The following SLC7A1 variants were observed in gnomAD, a reference collection of about 807,000 sequenced individuals.
SLC7A1 encodes the protein high affinity cationic amino acid transporter 1.
Under a neutral mutation model 53.9 loss-of-function variants are expected in SLC7A1, and 10 were observed. That is an observed-to-expected ratio of 0.19 (90% confidence interval 0.11 to 0.31). The LOEUF is 0.31. SLC7A1 is among the 10% of genes least tolerant of loss of function. The pLI, the probability that SLC7A1 is intolerant of heterozygous loss-of-function variation, is 1.00. For synonymous variants in SLC7A1, 342 were observed against 338.7 expected (o/e 1.01, Z -0.11); for missense variants, 525 against 827.2 (o/e 0.63, Z 4.48).
chr13:29,534,666 G>A (rs1396097362), intron 3 of SLC7A1, among the ~76,000 whole-genome samples: 2 of 152,162 alleles, frequency 1.3e-5, no homozygotes, highest in African/African-American at 2.4e-5. Context: ...CCAGGGCTGC[G>A]AGGATCCCAG....
chr13:29,556,535 C>T (rs566005250), intron 1 of SLC7A1, among the ~76,000 whole-genome samples: 11 of 152,252 alleles, frequency 7.2e-5, no homozygotes, highest in African/African-American at 2.4e-4. Context: ...CACACCACCA[C>T]GCCTGGCTAA....
intron 1 of SLC7A1, among the ~76,000 whole-genome samples, chr13:29,579,962 C>A (rs372687414): frequency 2.0e-5 from 3 of 152,194 alleles, no homozygotes; most frequent in Admixed American, 2.0e-4. Context: ...TAGATCTGAT[C>A]GTGGTTGTTC....
intron 2 of SLC7A1, among the ~76,000 whole-genome samples, chr13:29,542,480 T>C (rs1025658108): frequency 6.6e-6 from 1 of 151,810 alleles, no homozygotes; most frequent in Non-Finnish European, 1.5e-5. Context: ...GTGGGCTCAT[T>C]CGAAACCAGC....
chr13:29,533,964 T>G (rs1869290357), intron 3 of SLC7A1, among the ~76,000 whole-genome samples: 1 of 152,236 alleles, frequency 6.6e-6, no homozygotes, highest in East Asian at 1.9e-4. Context: ...TTTGGTCTTA[T>G]GATAAGTAAG....
At chr13:29,547,829 C>T (rs1414580632) in intron 2 of SLC7A1, among the ~76,000 whole-genome samples, 1 of 152,084 alleles carries the variant, frequency 6.6e-6, no homozygotes, top group African/African-American at 2.4e-5. Context: ...TGGAAATTTC[C>T]AAAATTAAAT....
intron 2 of SLC7A1, among the ~76,000 whole-genome samples, chr13:29,536,972 A>G (rs933743857): frequency 6.6e-6 from 1 of 152,232 alleles, no homozygotes; most frequent in Non-Finnish European, 1.5e-5. Context: ...GACATGCCCC[A>G]TTAGGGCCCA....
Position 29,532,405 on chromosome 13 carries a change from A to G in SLC7A1, c.529+419T>C, listed in dbSNP as rs145967158. ...TCATCTTCAGACGCCCCAGGCACAC[A>G]TTAGTGTTCCAGACGGAGCTCATTC... On this transcript the variant is annotated intron_variant, in intron 4 of 12. Transcript: ENST00000380752. Among the ~76,000 whole-genome samples, 455 of 152,302 alleles carry G rather than the reference A, an allele frequency of 3.0e-3. 2 individuals are homozygous for G. Among genetic ancestry groups the G allele is most frequent in the African/African-American group, 0.01 (435 of 41,570 alleles).
At chr13:29,570,530 A>C (rs1181087265) in intron 1 of SLC7A1, among the ~76,000 whole-genome samples, 1 of 152,204 alleles carries the variant, frequency 6.6e-6, no homozygotes, top group Non-Finnish European at 1.5e-5. Context: ...GATAGAAGTT[A>C]AACTCTCAGG....
chr13:29,520,314 C>T (rs910619973), intron 8 of SLC7A1, among the ~76,000 whole-genome samples: 19 of 152,130 alleles, frequency 1.2e-4, no homozygotes, highest in Non-Finnish European at 5.9e-5. Flanking sequence ...AAGACACAGG[C>T]ATTAGTGGAC....
At chr13:29,541,234 C>G (rs559258691) in intron 2 of SLC7A1, among the ~76,000 whole-genome samples, 1 of 151,974 alleles carries the variant, frequency 6.6e-6, no homozygotes, top group African/African-American at 2.4e-5. Flanking sequence ...ATGGGACTAG[C>G]GGACACTAAG....
intron 1 of SLC7A1, among the ~76,000 whole-genome samples, chr13:29,556,844 A>C (rs1870461148): frequency 6.6e-6 from 1 of 152,256 alleles, no homozygotes; most frequent in Non-Finnish European, 1.5e-5. Context: ...GCCAAGCTTA[A>C]TATATGCTCA....
At chr13:29,533,147 C>T (rs1012843500) in intron 3 of SLC7A1, among the ~76,000 whole-genome samples, 165 bp from the exon 4 acceptor site, 2 of 152,170 alleles carry the variant, frequency 1.3e-5, no homozygotes, top group African/African-American at 4.8e-5. Context: ...AAGTGACGGT[C>T]GACTAGTGCT....
chr13:29,537,313 C>G (rs754464737), intron 2 of SLC7A1, among the ~76,000 whole-genome samples: 5 of 152,220 alleles, frequency 3.3e-5, no homozygotes, highest in Non-Finnish European at 7.3e-5. Flanking sequence ...CACAGTCTTT[C>G]CCCCAAAAAC....
At chr13:29,584,033 A>G (rs915036101) in intron 1 of SLC7A1, among the ~76,000 whole-genome samples, 3 of 152,248 alleles carry the variant, frequency 2.0e-5, no homozygotes, top group African/African-American at 7.2e-5. Context: ...TCAAACGTTA[A>G]CATATATAAC....
intron 1 of SLC7A1, among the ~76,000 whole-genome samples, chr13:29,556,954 A>C (rs1332275203): frequency 6.6e-6 from 1 of 152,256 alleles, no homozygotes; most frequent in Non-Finnish European, 1.5e-5. Flanking sequence ...GTATAAAAGC[A>C]GTTCATGCTA....
At chr13:29,515,240 A>C (rs1376396901) in intron 12 of SLC7A1, among the ~76,000 whole-genome samples, 1 of 152,222 alleles carries the variant, frequency 6.6e-6, no homozygotes. Context: ...GCTCCTGCAC[A>C]CAGGGACTTT....
At position 29,583,037 on chromosome 13, in the gene SLC7A1, C is replaced by T. The variant is rs182125473; in HGVS notation, c.-115+12379G>A. ...GTGTGCTACATTTCCAGAAACAATA[C>T]GCTCCAGTTAGTCTTATCCCCAGGT... On this transcript the variant is annotated intron_variant, in intron 1 of 12. Coordinates refer to ENST00000380752, the MANE Select transcript of SLC7A1 (RefSeq NM_003045.5). Among the ~76,000 whole-genome samples the T allele has an allele frequency of 5.3e-5, 8 of 152,306 alleles. No homozygotes were observed. In the East Asian group the frequency reaches 1.2e-3, roughly 22 times the overall value.
In SLC7A1 at chr13:29,514,216, T is replaced by C. The variant is rs75331928; in HGVS notation, c.*264A>G. 3,460 of 519,412 alleles carry C rather than the reference T, an allele frequency of 6.7e-3. 91 individuals carry two copies. Among genetic ancestry groups the C allele is most frequent in the African/African-American group, 0.061 (3,177 of 52,290 alleles). 32.2% of individuals were successfully genotyped at this position (519,412 alleles called of 1,614,324 possible). On this transcript the variant is annotated 3_prime_UTR_variant, in exon 13 of 13. Coordinates refer to ENST00000380752, the MANE Select transcript of SLC7A1 (RefSeq NM_003045.5). ...AGCTGGTAGGGGAGGAACTGCTTTG[T>C]TCAGAGAAGTGAGGAGACACAGTGG...
chr13:29,579,848 C>T (rs1394963323), intron 1 of SLC7A1, among the ~76,000 whole-genome samples: 1 of 152,162 alleles, frequency 6.6e-6, no homozygotes, highest in African/African-American at 2.4e-5. Flanking sequence ...TCCTTCTGGT[C>T]GAACCGGTGC....
Sources: allele counts gnomAD v4.1 joint callset (sites outside exome capture counted in the v4.1 genomes callset), GRCh38; gene constraint gnomAD v4.1.1; transcripts MANE v1.5; gene names NCBI Gene and HGNC (gene_info 2026-07-23, HGNC 2026-07-21).